COL26A1: variants seen among roughly 807,000 people sequenced by gnomAD.
COL26A1 encodes the protein collagen type XXVI alpha 1 chain, also known as collagen alpha-1(XXVI) chain.
In COL26A1, 41 loss-of-function variants were observed where a neutral mutation model predicts 59.3. That is an observed-to-expected ratio of 0.69 (90% CI 0.54 to 0.90). The LOEUF is 0.90. COL26A1 is among the 40% of genes least tolerant of loss of function. The pLI is 0.00. For synonymous variants in COL26A1, 266 were observed against 256.0 expected, an observed-to-expected ratio of 1.04 and a Z score of -0.37; for missense variants, 612 against 602.3, an observed-to-expected ratio of 1.02 and a Z score of -0.17.
chr7:101,438,011 C>CCCCCTTT (rs1792957949), intron 2 of COL26A1, among the ~76,000 whole-genome samples: 1 of 151,644 alleles, frequency 6.6e-6, no homozygotes. Flanking sequence ...CTGTGCCTGG[C>CCCCCTTT]CTTGTCCTGA....
At position 101,553,328 on chromosome 7, in the gene COL26A1, T is replaced by C. The variant is rs777950397; in HGVS notation, c.1032T>C (p.Gly344=). The change falls in exon 11 of 13, where the codon GGT becomes GGC. Residue 344 remains glycine (G), a splice_region_variant and synonymous_variant. Coordinates refer to ENST00000313669, the MANE Select transcript of COL26A1 (RefSeq NM_001278563.3). ...TGACTGTGTGACTTGCTTCTTAGGG[T>C]GAACCTGGCGTGAAGGGGGAAGAAG... ...AGERGTVGPS[G]EPGVKGEEGE... 13 of 1,613,506 alleles carry C rather than the reference T, an allele frequency of 8.1e-6. No homozygotes were observed. Among genetic ancestry groups the C allele is most frequent in the Non-Finnish European group, 9.3e-6 (11 of 1,179,686 alleles).
rs147968426 is a variant in COL26A1 at position 101,421,957 on chromosome 7, G to A, written c.281+1858G>A. Among the ~76,000 whole-genome samples, 538 of 152,210 alleles carry A rather than the reference G, an allele frequency of 3.5e-3. 4 individuals carry two copies. Among genetic ancestry groups the A allele is most frequent in the African/African-American group, 0.012 (519 of 41,524 alleles). Reference sequence around the variant, plus strand: ...ATTGCATACAAGTGTTTTGATACAGGTCATTCTGCAAGGGGAATGGCTAGG... The same window carrying A: ...ATTGCATACAAGTGTTTTGATACAGATCATTCTGCAAGGGGAATGGCTAGG... On this transcript the variant is annotated intron_variant, in intron 2 of 12. Transcript: ENST00000313669.
chr7:101,373,630 C>G (rs139850918), intron 1 of COL26A1, among the ~76,000 whole-genome samples: 1 of 152,260 alleles, frequency 6.6e-6, no homozygotes, highest in Non-Finnish European at 1.5e-5. Context: ...GGAGCGAGGT[C>G]CCTTTCTCTG....
intron 1 of COL26A1, among the ~76,000 whole-genome samples, chr7:101,372,056 A>G (rs956376526): frequency 6.6e-6 from 1 of 152,184 alleles, no homozygotes; most frequent in African/African-American, 2.4e-5. Context: ...GAAAAAGGAT[A>G]GTAAACCCTC....
rs71559408 is a variant in COL26A1, at chr7:101,363,549, T to A, written c.158+359T>A. 3.4e-3 allele frequency among the ~76,000 whole-genome samples: 358 copies of A among 105,776 alleles called. 3 individuals carry two copies. The highest frequency in any genetic ancestry group is 0.011 in the African/African-American group (347 of 30,202). 69.4% of individuals were successfully genotyped at this position (105,776 alleles called of 152,430 possible). ...GGGCTGGGGCGCGGGGCGGCGGGGG[T>A]TGGGGGCTGCAGACGGGGCAGCTGG... On this transcript the variant is annotated intron_variant, in intron 1 of 12. Transcript: ENST00000313669.
intron 3 of COL26A1, among the ~76,000 whole-genome samples, chr7:101,503,726 G>T (rs116452623): frequency 2.0e-5 from 3 of 152,156 alleles, no homozygotes; most frequent in Admixed American, 6.5e-5. Flanking sequence ...GCGGACAGGG[G>T]GTCTGAACCA....
intron 12 of COL26A1, among the ~76,000 whole-genome samples, chr7:101,557,162 T>C (rs1335794790): frequency 1.3e-5 from 2 of 152,128 alleles, no homozygotes; most frequent in African/African-American, 2.4e-5. Context: ...AATGGGTCAA[T>C]GGACAGGTGG....
intron 1 of COL26A1, among the ~76,000 whole-genome samples, chr7:101,373,140 GCA>G (rs1791232494): frequency 6.6e-6 from 1 of 152,190 alleles, no homozygotes; most frequent in South Asian, 2.1e-4. Context: ...GGAGAGGCTG[GCA>G]GAGGAAGGAT....
intron 3 of COL26A1, among the ~76,000 whole-genome samples, chr7:101,458,013 C>G (rs545176002): frequency 2.0e-5 from 3 of 151,862 alleles, no homozygotes; most frequent in East Asian, 2.0e-4. Flanking sequence ...TCTCCTGCCT[C>G]AGCCTCCCAA....
intron 1 of COL26A1, among the ~76,000 whole-genome samples, chr7:101,414,108 A>G (rs1428019302): frequency 6.6e-6 from 1 of 152,150 alleles, no homozygotes; most frequent in Non-Finnish European, 1.5e-5. Context: ...CTCCATCTGG[A>G]AAGGCCTGGA....
intron 2 of COL26A1, among the ~76,000 whole-genome samples, chr7:101,440,738 G>A (rs1793036407): frequency 2.0e-5 from 3 of 152,228 alleles, no homozygotes; most frequent in Admixed American, 1.3e-4. Context: ...GGCCAAGACA[G>A]GCAGATCACC....
intron 3 of COL26A1, among the ~76,000 whole-genome samples, chr7:101,463,795 T>TTC (rs1160560607): frequency 4.1e-5 from 3 of 72,796 alleles, no homozygotes; most frequent in Admixed American, 1.3e-4. Flanking sequence ...CTTCCTTTCT[T>TTC]TCTCTCTCTC....
chr7:101,533,097 C>A lies in COL26A1; in HGVS notation c.401C>A (p.Thr134Asn), dbSNP rs772094033. 8 of 1,607,638 alleles carry A rather than the reference C, an allele frequency of 5.0e-6. 1 individual carries two copies. In the East Asian group the frequency reaches 1.3e-4, roughly 27 times the overall value. The change falls in exon 4 of 13, where the codon ACC becomes AAC. Residue 134 changes from threonine (T) to asparagine (N), a missense_variant. Coordinates refer to ENST00000313669, the MANE Select transcript of COL26A1 (RefSeq NM_001278563.3). Reference protein sequence around the residue: ...SNCDEECMNCTRLSDMSERLT... With the variant: ...SNCDEECMNCNRLSDMSERLT... ...TCTCTTTCAGAATGCATGAACTGCA[C>A]CCGGCTCAGTGACATGAGTGAGCGA...
rs183493041 is a variant in COL26A1 at position 101,518,517 on chromosome 7, C to T, written c.386-14565C>T. ...CAAGTGGGTCAGGAACCACAGAGTC[C>T]GTCTCCCCCTGCACTTGGTGTCATC... On this transcript the variant is annotated intron_variant, in intron 3 of 12. Coordinates refer to ENST00000313669, the MANE Select transcript of COL26A1 (RefSeq NM_001278563.3). 1.0e-3 allele frequency among the ~76,000 whole-genome samples: 158 copies of T among 152,328 alleles called. 2 individuals carry two copies. The highest frequency in any genetic ancestry group is 3.3e-3 in the African/African-American group (137 of 41,576).
chr7:101,454,217 G>A (rs965463508), intron 3 of COL26A1, among the ~76,000 whole-genome samples: 1 of 151,156 alleles, frequency 6.6e-6, no homozygotes, highest in African/African-American at 2.4e-5. Flanking sequence ...CTCTCAAACT[G>A]CAAAGAAGTG....
intron 7 of COL26A1, among the ~76,000 whole-genome samples, chr7:101,546,277 C>T (rs1795733945): frequency 6.6e-6 from 1 of 152,144 alleles, no homozygotes; most frequent in Middle Eastern, 3.2e-3. Context: ...GTCTGTTGCC[C>T]AGGCTGGAAT....
intron 2 of COL26A1, among the ~76,000 whole-genome samples, chr7:101,434,199 T>C (rs767167965): frequency 0.083 from 3,578 of 43,222 alleles, no homozygotes; most frequent in Non-Finnish European, 0.096. Flanking sequence ...TCTCTCTCTC[T>C]CTCCCGCCCC....
At chr7:101,437,152 T>C (rs987472243) in intron 2 of COL26A1, among the ~76,000 whole-genome samples, 4 of 152,148 alleles carry the variant, frequency 2.6e-5, no homozygotes, top group African/African-American at 9.7e-5. Context: ...AGACAAATAA[T>C]TACATACATG....
intron 3 of COL26A1, among the ~76,000 whole-genome samples, chr7:101,498,915 C>T (rs1794644076): frequency 6.6e-6 from 1 of 152,188 alleles, no homozygotes; most frequent in Non-Finnish European, 1.5e-5. Context: ...CGAGCGCTCT[C>T]AGGCACGGCA....
Sources: gnomAD v4.1 joint callset for allele counts (sites outside exome capture counted in the v4.1 genomes callset) on GRCh38, gnomAD v4.1.1 for gene constraint, MANE v1.5 for transcripts, NCBI Gene and HGNC (gene_info 2026-07-23, HGNC 2026-07-21) for gene names.